Variants in ALAD observed in about 807,000 individuals in gnomAD.
ALAD encodes the protein delta-aminolevulinic acid dehydratase.
A neutral mutation model predicts 44.4 loss-of-function variants in ALAD; 20 were observed. That is an observed-to-expected ratio of 0.45 (90% CI 0.32 to 0.65). The LOEUF (loss-of-function observed/expected upper bound fraction) is 0.65, where lower values mean the gene tolerates loss of function less well. Among genes scored for constraint, ALAD ranks in the 30% least tolerant of loss-of-function variants. The pLI, the probability that ALAD is intolerant of heterozygous loss-of-function variation, is 0.05. For missense variants in ALAD, 323 were observed against 445.7 expected (o/e 0.72, Z 2.48); for synonymous variants, 156 against 167.9 (o/e 0.93, Z 0.55).
intron 2 of ALAD, 51 bp downstream of exon 2, chr9:113,393,396 C>CCCCAAA: frequency 1.9e-5 from 28 of 1,465,578 alleles, no homozygotes; most frequent in Non-Finnish European, 2.3e-5. Flanking sequence ...CCCTCCCCAA[C>CCCCAAA]CCCAACCCCA....
intron 1 of ALAD, chr9:113,398,201 G>C (rs1351010376): frequency 6.6e-6 from 1 of 152,210 alleles, no homozygotes; most frequent in African/African-American, 2.4e-5. Flanking sequence ...TGAAGTACTT[G>C]GTAGTAGTAT....
intron 1 of ALAD, among the ~76,000 whole-genome samples, chr9:113,399,133 G>A (rs1564380296): frequency 6.6e-6 from 1 of 152,216 alleles, no homozygotes; most frequent in East Asian, 1.9e-4. Context: ...GGGTCAGACA[G>A]TCCCAGGTTT....
intron 7 of ALAD, among the ~76,000 whole-genome samples, chr9:113,390,163 A>G (rs187590237): frequency 3.9e-5 from 6 of 152,178 alleles, no homozygotes; most frequent in Admixed American, 2.0e-4. Context: ...CTGGGATTAC[A>G]GGCGCCTGCC....
In ALAD at chr9:113,390,852, G is replaced by A. The variant is rs764315127; in HGVS notation, c.343C>T (p.Leu115Phe). 1 of 1,614,070 alleles carries A rather than the reference G, an allele frequency of 6.2e-7. No individual in the cohort carries two copies. The highest frequency in any genetic ancestry group is 8.5e-7 in the Non-Finnish European group (1 of 1,180,022). ...AGGCAGACATCACAGGCCACCAGGA[G>A]GTTGGGGAAGGTCTTCCTCAACAGA... is the stretch of plus-strand genomic sequence containing the variant. The part of the protein sequence containing the change: ...IHLLRKTFPN[L>F]LVACDVCLCP... Residue 115 changes from leucine (L) to phenylalanine (F), a missense_variant, in exon 5 of 12, where the codon CTC becomes TTC. Leu to Phe is a conservative substitution (Grantham distance 22). Transcript: ENST00000409155.
chr9:113,392,195 A>T, intron 2 of ALAD, 26 bp from the exon 3 acceptor site: 1 of 1,613,682 alleles, frequency 6.2e-7, no homozygotes, highest in South Asian at 1.1e-5. Flanking sequence ...TGGGATATGG[A>T]TTGGTAGCTG....
chr9:113,388,978 T>C lies in ALAD; in HGVS notation c.930A>G (p.Ala310=). 6.2e-7 allele frequency: 1 copy of C among 1,613,854 alleles called. No individual in the cohort carries two copies. Reference sequence around the variant, plus strand: ...AACACCCCACCCTTGCCTGCCTACCTGCTCTGCGGAAGGCAGTCATGGCCT... The same window carrying C: ...AACACCCCACCCTTGCCTGCCTACCCGCTCTGCGGAAGGCAGTCATGGCCT... ...VLEAMTAFRR[A]GADIIITYYT... is the part of the protein sequence containing the mutation. Residue 310 remains alanine (A), a splice_region_variant and synonymous_variant, in exon 11 of 12, where the codon GCA becomes GCG. Coordinates refer to ENST00000409155, the MANE Select transcript of ALAD (RefSeq NM_000031.6).
In ALAD at chr9:113,389,035, G is replaced by A. The variant is rs200378521; in HGVS notation, c.873C>T (p.Ala291=). The A allele has an allele frequency of 1.9e-5, 30 of 1,613,868 alleles. No individual in the cohort carries two copies. The Middle Eastern group carries it at 1.3e-3, about 71-fold the overall frequency. ...EFAMLWHGAQ[A]GAFDLKAAVL... is the part of the protein sequence containing the mutation. The stretch of plus-strand genomic sequence containing the variant: ...CGGCAGCCTTGAGATCAAATGCCCC[G>A]GCCTGGGCTCCATGCCACAGCATGG... The change falls in exon 11 of 12, where the codon GCC becomes GCT. Residue 291 remains alanine (A), a synonymous_variant. Coordinates refer to ENST00000409155, the MANE Select transcript of ALAD (RefSeq NM_000031.6).
chr9:113,393,416 G>C, intron 2 of ALAD, 31 bp downstream of exon 2: 1 of 1,351,080 alleles, frequency 7.4e-7, no homozygotes, highest in Non-Finnish European at 1.0e-6. Flanking sequence ...AACCAGCAGA[G>C]CAGAGGCCTG....
At chr9:113,398,752 C>T (rs1827792898) in intron 1 of ALAD, among the ~76,000 whole-genome samples, 1 of 152,124 alleles carries the variant, frequency 6.6e-6, no homozygotes, top group South Asian at 2.1e-4. Context: ...CAGCTCCTGG[C>T]TTCTATTTCA....
At chr9:113,394,417 A>G (rs1827674226) in intron 1 of ALAD, among the ~76,000 whole-genome samples, 1 of 151,542 alleles carries the variant, frequency 6.6e-6, no homozygotes, top group Non-Finnish European at 1.5e-5. Context: ...CCACACCTGT[A>G]GTCCCAGCTA....
Position 113,389,764 on chromosome 9 carries a change from C to G in ALAD, c.626+9G>C, listed in dbSNP as rs371809975. 6.2e-7 allele frequency: 1 copy of G among 1,614,130 alleles called. No individual in the cohort carries two copies. The highest frequency in any genetic ancestry group is 1.3e-5 in the African/African-American group (1 of 74,954). ...GATTCACAGCAGACCCCTGCCCACC[C>G]CTGCTCACCGGAAAGGGCCATAGAA... On this transcript the variant is annotated intron_variant, in intron 8 of 11. Transcript: ENST00000409155.
chr9:113,390,474 C>T lies in ALAD; in HGVS notation c.501G>A (p.Pro167=), dbSNP rs376714503. The T allele has an allele frequency of 3.5e-5, 56 of 1,614,020 alleles. No individual in the cohort carries two copies. Among genetic ancestry groups the T allele is most frequent in the Admixed American group, 1.2e-4 (7 of 60,000 alleles). ...YAKAGCQVVA[P]SDMMDGRVEA... is the part of the protein sequence containing the mutation. ...CCACGCGTCCATCCATCATGTCCGA[C>T]GGGGCTACCACCTGACATCCTGGGG... is the stretch of plus-strand genomic sequence containing the variant. Residue 167 remains proline (P), a synonymous_variant, in exon 7 of 12, where the codon CCG becomes CCA. Coordinates refer to ENST00000409155, the MANE Select transcript of ALAD (RefSeq NM_000031.6).
At chr9:113,396,995 T>G (rs1159760816) in intron 1 of ALAD, 1 of 152,248 alleles carries the variant, frequency 6.6e-6, no homozygotes, top group East Asian at 1.9e-4. Context: ...TGAGTCCAAC[T>G]GCTTTTTGTA....
rs1827552198 is a variant in ALAD at position 113,390,659 on chromosome 9, C to T, written c.415G>A (p.Gly139Arg). The change falls in exon 6 of 12, where the codon GGA becomes AGA. Residue 139 changes from glycine to arginine, a missense_variant. Physicochemically the swap from Gly to Arg is moderately radical, Grantham distance 125 (BLOSUM62 -2). Coordinates refer to ENST00000409155, the MANE Select transcript of ALAD (RefSeq NM_000031.6). ...HGHCGLLSEN[G>R]AFRAEESRQR... ...CGGCTCTCCTCAGCCCGGAATGCTC[C>T]GTTTTCACTCAGGAGCCCTTCAGGA... 2 of 1,614,070 alleles carry T rather than the reference C, an allele frequency of 1.2e-6. No homozygotes were observed. Among genetic ancestry groups the T allele is most frequent in the Admixed American group, 1.7e-5 (1 of 60,010 alleles).
chr9:113,390,877 A>G lies in ALAD; in HGVS notation c.318T>C (p.His106=). 1 of 1,614,144 alleles carries G rather than the reference A, an allele frequency of 6.2e-7. No individual in the cohort carries two copies. The highest frequency in any genetic ancestry group is 2.2e-5 in the East Asian group (1 of 44,868). The change falls in exon 5 of 12, where the codon CAT becomes CAC. Residue 106 remains histidine, a synonymous_variant. Coordinates refer to ENST00000409155, the MANE Select transcript of ALAD (RefSeq NM_000031.6). ...SEESPAIEAI[H]LLRKTFPNLL... is the part of the protein sequence containing the mutation. The stretch of plus-strand genomic sequence containing the variant: ...GGTTGGGGAAGGTCTTCCTCAACAG[A>G]TGGATTGCCTCAATAGCTGGGGACT...
At chr9:113,393,386 C>A in intron 2 of ALAD, 61 bp downstream of exon 2, 1 of 1,458,068 alleles carries the variant, frequency 6.9e-7, no homozygotes, top group Admixed American at 1.7e-5. Context: ...AGTCAACACT[C>A]CCTCCCCAAC....
rs1313902012 is a variant in ALAD, at chr9:113,388,058, G to A, written c.*242C>T. ...GGAAAGAGCTGAGGGTGGCAAAGGT[G>A]GGCCTCACGGCTGACCCAGGGGAGG... On this transcript the variant is annotated 3_prime_UTR_variant, in exon 12 of 12. Coordinates refer to ENST00000409155, the MANE Select transcript of ALAD (RefSeq NM_000031.6). 4 of 558,552 alleles carry A rather than the reference G, an allele frequency of 7.2e-6. No individual in the cohort carries two copies. Among genetic ancestry groups the A allele is most frequent in the Non-Finnish European group, 1.3e-5 (4 of 308,012 alleles). 34.6% of individuals were successfully genotyped at this position (558,552 alleles called of 1,614,324 possible). A position where few individuals can be genotyped will look rare whatever the true frequency, so the allele number is the denominator to read the frequency against.
At chr9:113,391,085 G>T in intron 4 of ALAD, 152 bp from the exon 5 acceptor site, 2 of 1,065,424 alleles carry the variant, frequency 1.9e-6, no homozygotes, top group Non-Finnish European at 2.7e-6. Flanking sequence ...CCCTACATGG[G>T]TGCTGACTTA....
At chr9:113,395,762 TAGA>T (rs1827709150) in intron 1 of ALAD, among the ~76,000 whole-genome samples, 1 of 152,108 alleles carries the variant, frequency 6.6e-6, no homozygotes, top group African/African-American at 2.4e-5. Flanking sequence ...AGAGGCATAT[TAGA>T]AGAAGACAGG....
Sources: allele counts gnomAD v4.1 joint callset (sites outside exome capture counted in the v4.1 genomes callset), GRCh38; gene constraint gnomAD v4.1.1; transcripts MANE v1.5; gene names NCBI Gene and HGNC (gene_info 2026-07-23, HGNC 2026-07-21).